The following GIMAP8 variants were observed in gnomAD, a reference collection of about 807,000 sequenced individuals.
The protein encoded by GIMAP8 is GTPase IMAP family member 8.
In GIMAP8, 29 loss-of-function variants were observed where a neutral mutation model predicts 35.6. That is an observed-to-expected ratio of 0.81 (90% CI 0.61 to 1.11). The LOEUF (loss-of-function observed/expected upper bound fraction) is 1.11, where lower values mean the gene tolerates loss of function less well. GIMAP8 is among the 50% of genes most tolerant of loss of function. The pLI is 0.00. For synonymous variants in GIMAP8, 335 were observed against 308.7 expected, an observed-to-expected ratio of 1.09 and a Z score of -0.89; for missense variants, 811 against 805.0, an observed-to-expected ratio of 1.01 and a Z score of -0.09.
chr7:150,454,046 C>T (rs181562283), intron 1 of GIMAP8, among the ~76,000 whole-genome samples: 1 of 152,210 alleles, frequency 6.6e-6, no homozygotes, highest in Admixed American at 6.5e-5. Flanking sequence ...GGGAAGTGCT[C>T]AGGCACATGT....
In GIMAP8 at chr7:150,477,141, G is replaced by T; in HGVS notation, c.1359G>T (p.Ala453=). 2.5e-6 allele frequency: 4 copies of T among 1,613,250 alleles called. No individual in the cohort carries two copies. Among genetic ancestry groups the T allele is most frequent in the Non-Finnish European group, 1.7e-6 (2 of 1,179,304 alleles). ...GGAGAAGCGGGACTGGGAAGAGTGC[G>T]ACCGGGAACTCTATCCTGGGGAGCC... ...LVGRSGTGKS[A]TGNSILGSLV... The change falls in exon 5 of 5, where the codon GCG becomes GCT. Residue 453 remains alanine (A), a synonymous_variant. Coordinates refer to ENST00000307271, the MANE Select transcript of GIMAP8 (RefSeq NM_175571.4).
At chr7:150,463,981 C>T (rs965961083) in intron 1 of GIMAP8, among the ~76,000 whole-genome samples, 37 of 152,234 alleles carry the variant, frequency 2.4e-4, no homozygotes, top group Non-Finnish European at 3.2e-4. Flanking sequence ...CATGCATGGG[C>T]GCTGGTGGTG....
intron 1 of GIMAP8, among the ~76,000 whole-genome samples, chr7:150,456,172 G>T (rs1724050105): frequency 1.3e-5 from 2 of 152,104 alleles, no homozygotes; most frequent in Admixed American, 1.3e-4. Flanking sequence ...AGTTAGAAGG[G>T]AAGCTGGGAG....
At chr7:150,468,273 G>A (rs1724972058) in intron 2 of GIMAP8, among the ~76,000 whole-genome samples, 1 of 152,192 alleles carries the variant, frequency 6.6e-6, no homozygotes, top group Admixed American at 6.5e-5. Context: ...CAGCCAGGGT[G>A]AGATTTTATT....
intron 1 of GIMAP8, among the ~76,000 whole-genome samples, chr7:150,457,756 G>A (rs1260585615): frequency 3.3e-5 from 5 of 152,324 alleles, no homozygotes; most frequent in South Asian, 2.1e-4. Flanking sequence ...GAAAACATTC[G>A]TGAAATACTG....
intron 1 of GIMAP8, among the ~76,000 whole-genome samples, chr7:150,455,031 G>A (rs544443707): frequency 2.2e-4 from 33 of 151,854 alleles, no homozygotes; most frequent in Non-Finnish European, 4.1e-4. Context: ...CCAGCTACTC[G>A]GGAGGCTGAG....
chr7:150,466,588 A>T, intron 1 of GIMAP8, 83 bp from the exon 2 acceptor site: 1 of 1,274,104 alleles, frequency 7.8e-7, no homozygotes, highest in Non-Finnish European at 1.1e-6. Context: ...ATTTGAGTCA[A>T]AAAGAGAATG....
At chr7:150,461,595 C>T (rs1434887803) in intron 1 of GIMAP8, among the ~76,000 whole-genome samples, 1 of 152,074 alleles carries the variant, frequency 6.6e-6, no homozygotes, top group African/African-American at 2.4e-5. Context: ...CACTCTCATT[C>T]TATGTGCTTT....
intron 1 of GIMAP8, among the ~76,000 whole-genome samples, 164 bp from the exon 2 acceptor site, chr7:150,466,507 C>A (rs552703428): frequency 6.6e-6 from 1 of 152,140 alleles, no homozygotes; most frequent in East Asian, 1.9e-4. Flanking sequence ...ACAGGAAGAT[C>A]CTGGGAAAGT....
At position 150,470,746 on chromosome 7, in the gene GIMAP8, CTTTTTTTTTT is replaced by C. The variant is rs765100972; in HGVS notation, c.637-70_637-61del. The C allele has an allele frequency of 3.6e-5, 17 of 467,994 alleles. No individual in the cohort carries two copies. The Admixed American group carries it at 4.1e-4, about 11-fold the overall frequency. 29.0% of individuals were successfully genotyped at this position (467,994 alleles called of 1,614,324 possible). A position where few individuals can be genotyped will look rare whatever the true frequency, so the allele number is the denominator to read the frequency against. On this transcript the variant is annotated intron_variant, in intron 2 of 4. Coordinates refer to ENST00000307271, the MANE Select transcript of GIMAP8 (RefSeq NM_175571.4). ...CATTCTGAATTAATACTTCAATTTC[CTTTTTTTTTT>C]TTTTTTTTTTTTCAGTTTGTGGAAG...
At chr7:150,458,141 GGTGTGT>G (rs139322450) in intron 1 of GIMAP8, among the ~76,000 whole-genome samples, 1 of 150,756 alleles carries the variant, frequency 6.6e-6, no homozygotes, top group Non-Finnish European at 1.5e-5. Context: ...TGATGTGTGT[GGTGTGT>G]GTGTGTGTGT....
At chr7:150,473,643 G>A (rs1171607759) in intron 3 of GIMAP8, among the ~76,000 whole-genome samples, 3 of 150,600 alleles carry the variant, frequency 2.0e-5, no homozygotes, top group Admixed American at 1.3e-4. Context: ...TTTGAAAATC[G>A]GATTCTCCCT....
chr7:150,477,767 G>T lies in GIMAP8; in HGVS notation c.1985G>T (p.Gly662Val). 1.2e-6 allele frequency: 2 copies of T among 1,612,282 alleles called. No individual in the cohort carries two copies. Among genetic ancestry groups the T allele is most frequent in the Non-Finnish European group, 1.7e-6 (2 of 1,179,278 alleles). ...QAEKLLKNLI[G>V]ILQ Reference sequence around the variant, plus strand: ...GAAAAACTCCTTAAAAATTTAATAGGTATTTTACAATAGGTAGCCGAAGTG... The same window carrying T: ...GAAAAACTCCTTAAAAATTTAATAGTTATTTTACAATAGGTAGCCGAAGTG... Residue 662 changes from glycine to valine, a missense_variant, in exon 5 of 5, where the codon GGT (glycine) becomes GTT (valine). Coordinates refer to ENST00000307271, the MANE Select transcript of GIMAP8 (RefSeq NM_175571.4).
In GIMAP8 at chr7:150,472,046, G is replaced by A. The variant is rs1298460582; in HGVS notation, c.682+1172G>A. Among the ~76,000 whole-genome samples, 1 of 152,136 alleles carries A rather than the reference G, an allele frequency of 6.6e-6. No homozygotes were observed. The highest frequency in any genetic ancestry group is 1.5e-5 in the Non-Finnish European group (1 of 68,034). On this transcript the variant is annotated intron_variant, in intron 3 of 4. Transcript: ENST00000307271. This position sits in a 1 kb window ranked among gnomAD's most constrained non-coding sequence, Gnocchi z 4.1. The stretch of plus-strand genomic sequence containing the variant: ...AGAAATACGTGTACTCAGGCAGAAG[G>A]GTTTCAAAATTCTGGCAATGCCCTT...
In GIMAP8 at chr7:150,474,454, T is replaced by C; in HGVS notation, c.1125T>C (p.Asp375=). 2 of 1,613,868 alleles carry C rather than the reference T, an allele frequency of 1.2e-6. No homozygotes were observed. Among genetic ancestry groups the C allele is most frequent in the Non-Finnish European group, 1.7e-6 (2 of 1,179,836 alleles). ...RKEDLGDQDL[D]TFLRNSNKAL... ...AAGATTTAGGGGATCAGGATCTAGA[T>C]ACGTTCTTAAGAAACAGCAATAAAG... The change falls in exon 4 of 5, where the codon GAT becomes GAC. Residue 375 remains aspartate, a synonymous_variant. Transcript: ENST00000307271.
intron 1 of GIMAP8, among the ~76,000 whole-genome samples, chr7:150,453,916 C>A (rs922478138): frequency 1.4e-5 from 2 of 147,146 alleles, no homozygotes; most frequent in Non-Finnish European, 3.0e-5. Context: ...GTGGCAGTGG[C>A]GGGTGCTAGG....
intron 2 of GIMAP8, among the ~76,000 whole-genome samples, chr7:150,470,520 A>T (rs1483801797): frequency 6.6e-6 from 1 of 152,124 alleles, no homozygotes; most frequent in East Asian, 1.9e-4. Flanking sequence ...TATATTGGAC[A>T]ATTAACCTCA....
chr7:150,467,595 C>G (rs1017001300), intron 2 of GIMAP8, among the ~76,000 whole-genome samples: 2 of 152,204 alleles, frequency 1.3e-5, no homozygotes, highest in Admixed American at 6.5e-5. Context: ...TTCTTCAACA[C>G]ACAATGATTT....
chr7:150,460,920 T>C (rs1361224582), intron 1 of GIMAP8, among the ~76,000 whole-genome samples: 1 of 152,244 alleles, frequency 6.6e-6, no homozygotes, highest in Non-Finnish European at 1.5e-5. Flanking sequence ...GTGTTCAGTG[T>C]CTACTAAGGC....
Sources: gnomAD v4.1 joint callset for allele counts (sites outside exome capture counted in the v4.1 genomes callset) on GRCh38, gnomAD v4.1.1 for gene constraint, Gnocchi (gnomAD v3.1) non-coding constraint, MANE v1.5 for transcripts, NCBI Gene and HGNC (gene_info 2026-07-23, HGNC 2026-07-21) for gene names.